The following HAAO variants were observed in gnomAD, a reference collection of about 807,000 sequenced individuals.
HAAO encodes 3-hydroxyanthranilate oxygenase.
A neutral mutation model predicts 46.2 loss-of-function variants in HAAO; 49 were observed. That is an observed-to-expected ratio of 1.06 (90% CI 0.84 to 1.34). The LOEUF is 1.34. Among genes scored for constraint, HAAO ranks in the 40% most tolerant of loss-of-function variants. The pLI is 0.00. For missense variants in HAAO, 408 were observed against 364.5 expected, an observed-to-expected ratio of 1.12 and a Z score of -0.97; for synonymous variants, 157 against 145.2, an observed-to-expected ratio of 1.08 and a Z score of -0.58.
Position 42,792,543 on chromosome 2 carries a change from C to T in HAAO, c.-7G>A, listed in dbSNP as rs1672885553. 6.4e-7 allele frequency: 1 copy of T among 1,553,150 alleles called. No homozygotes were observed. The highest frequency in any genetic ancestry group is 2.0e-5 in the Admixed American group (1 of 50,338). On this transcript the variant is annotated 5_prime_UTR_variant, in exon 1 of 10. Coordinates refer to ENST00000294973, the MANE Select transcript of HAAO (RefSeq NM_012205.3). ...CTCCCAGGCGGCGCTCCATGACTGTCCCGGGCGCCTCCTCGCAGCGCTGTC... is the reference window on the plus strand; with the variant it reads ...CTCCCAGGCGGCGCTCCATGACTGTTCCGGGCGCCTCCTCGCAGCGCTGTC...
In HAAO at chr2:42,779,054, A is replaced by G. The variant is rs566443222; in HGVS notation, c.350+4260T>C. Among the ~76,000 whole-genome samples, 8 of 152,190 alleles carry G rather than the reference A, an allele frequency of 5.3e-5. No homozygotes were observed. The East Asian group carries it at 1.6e-3, about 30-fold the overall frequency. On this transcript the variant is annotated intron_variant, in intron 4 of 9. Transcript: ENST00000294973. ...CCTGGACCCGGGAGGTGGAGATTGC[A>G]GTGAGCTGAGATCACACCATTGCAC...
intron 4 of HAAO, among the ~76,000 whole-genome samples, chr2:42,777,433 GT>G (rs1671671058): frequency 6.6e-6 from 1 of 151,710 alleles, no homozygotes; most frequent in African/African-American, 2.4e-5. Flanking sequence ...CTATCTATGT[GT>G]TGTGTACACA....
At chr2:42,780,631 G>A (rs1468510243) in intron 4 of HAAO, among the ~76,000 whole-genome samples, 1 of 152,080 alleles carries the variant, frequency 6.6e-6, no homozygotes, top group African/African-American at 2.4e-5. Flanking sequence ...CAGAACAGGA[G>A]TAAACTAAGT....
chr2:42,789,011 T>A (rs902325971), intron 1 of HAAO: 9 of 263,644 alleles, frequency 3.4e-5, no homozygotes, highest in Non-Finnish European at 5.3e-5. Context: ...CACTCACCCA[T>A]GCTGTCTGAC....
intron 4 of HAAO, among the ~76,000 whole-genome samples, chr2:42,777,823 G>A (rs1195756111): frequency 6.6e-6 from 1 of 151,972 alleles, no homozygotes; most frequent in Non-Finnish European, 1.5e-5. Flanking sequence ...AAAAAAAGGT[G>A]TGTCCTTTTA....
At chr2:42,780,647 G>T (rs1671919709) in intron 4 of HAAO, among the ~76,000 whole-genome samples, 1 of 152,064 alleles carries the variant, frequency 6.6e-6, no homozygotes, top group Non-Finnish European at 1.5e-5. Flanking sequence ...TAAGTAAACT[G>T]AACTCATAGA....
chr2:42,767,690 A>G lies in HAAO; in HGVS notation c.700-13T>C, dbSNP rs1192363882. 14 of 1,569,722 alleles carry G rather than the reference A, an allele frequency of 8.9e-6. No individual in the cohort carries two copies. The Middle Eastern group carries it at 5.0e-4, about 56-fold the overall frequency. On this transcript the variant is annotated splice_polypyrimidine_tract_variant and intron_variant, in intron 8 of 9. Coordinates refer to ENST00000294973, the MANE Select transcript of HAAO (RefSeq NM_012205.3). ...CCGAGGAGCCCTCCTGGAGAAGAGG[A>G]GCAGGAGAATCAAATGGAGACTGTT...
chr2:42,783,826 C>T lies in HAAO; in HGVS notation c.201G>A (p.Leu67=). 1.2e-6 allele frequency: 2 copies of T among 1,612,960 alleles called. No homozygotes were observed. ...QLEGDMVLRV[L]EQGKHRDVVI... ...CCACATCCCGGTGTTTCCCTTGCTC[C>T]AGGACTCGGAGAACCATGTCTCCCT... The change falls in exon 3 of 10, where the codon CTG becomes CTA. Residue 67 remains leucine, a synonymous_variant. Coordinates refer to ENST00000294973, the MANE Select transcript of HAAO (RefSeq NM_012205.3).
chr2:42,787,065 C>T (rs1411695836), intron 2 of HAAO, among the ~76,000 whole-genome samples: 1 of 152,176 alleles, frequency 6.6e-6, no homozygotes, highest in African/African-American at 2.4e-5. Context: ...GGACCAAGCC[C>T]TGTCACAAGC....
chr2:42,787,272 G>A (rs1486030465), intron 2 of HAAO, among the ~76,000 whole-genome samples: 5 of 152,168 alleles, frequency 3.3e-5, no homozygotes, highest in Non-Finnish European at 7.3e-5. Flanking sequence ...AGCAGAGGCA[G>A]CAGGGGGCGA....
At chr2:42,768,021 G>A (rs945382055) in intron 7 of HAAO, 93 bp from the exon 8 acceptor site, 8 of 1,118,206 alleles carry the variant, frequency 7.2e-6, no homozygotes, top group Non-Finnish European at 1.1e-5. Flanking sequence ...CCTGCTTGGA[G>A]CAGGGTTGGG....
Position 42,767,423 on chromosome 2 carries a change from C to A in HAAO, c.*14G>T. 1 of 1,600,290 alleles carries A rather than the reference C, an allele frequency of 6.2e-7. No individual in the cohort carries two copies. The highest frequency in any genetic ancestry group is 8.6e-7 in the Non-Finnish European group (1 of 1,169,464). On this transcript the variant is annotated 3_prime_UTR_variant, in exon 10 of 10. Coordinates refer to ENST00000294973, the MANE Select transcript of HAAO (RefSeq NM_012205.3). ...TTGGCACACCTGTGGCTGCTTCAGG[C>A]CATGGCAAGAGGGTCACCCCAGGGG...
At chr2:42,787,170 C>T (rs115931643) in intron 2 of HAAO, among the ~76,000 whole-genome samples, 2 of 152,344 alleles carry the variant, frequency 1.3e-5, no homozygotes, top group African/African-American at 4.8e-5. Context: ...AATCCCTCAG[C>T]TGCCATCTGA....
chr2:42,777,918 C>A (rs9941680), intron 4 of HAAO, among the ~76,000 whole-genome samples: 1 of 151,862 alleles, frequency 6.6e-6, no homozygotes, highest in Non-Finnish European at 1.5e-5. Context: ...AAATAAAAGA[C>A]ATGTAAAGAA....
rs75134948 is a variant in HAAO, at chr2:42,791,012, T to C, written c.80+1445A>G. 6.8e-3 allele frequency among the ~76,000 whole-genome samples: 1,033 copies of C among 152,310 alleles called. 13 individuals carry two copies. The highest frequency in any genetic ancestry group is 0.024 in the African/African-American group (1,002 of 41,560). On this transcript the variant is annotated intron_variant, in intron 1 of 9. Coordinates refer to ENST00000294973, the MANE Select transcript of HAAO (RefSeq NM_012205.3). ...TCACCTTGCTTGCTTCAGCAGCTTCTCACCTTGCTGAATAGTAACCCCTCC... is the reference window on the plus strand; with the variant it reads ...TCACCTTGCTTGCTTCAGCAGCTTCCCACCTTGCTGAATAGTAACCCCTCC...
At chr2:42,772,269 T>C (rs554806353) in intron 4 of HAAO, among the ~76,000 whole-genome samples, 1 of 152,144 alleles carries the variant, frequency 6.6e-6, no homozygotes, top group East Asian at 1.9e-4. Flanking sequence ...TCACCTGAGG[T>C]TGGCAGTTCG....
chr2:42,785,186 C>T lies in HAAO; in HGVS notation c.160-1319G>A, dbSNP rs143743990. Among the ~76,000 whole-genome samples, 4 of 152,288 alleles carry T rather than the reference C, an allele frequency of 2.6e-5. No homozygotes were observed. The East Asian group carries it at 7.7e-4, about 29-fold the overall frequency. ...CTGTGAAGATGCCAGGGATGCTTTA[C>T]ACATATGTGCTCAGCGCATAGTAAG... On this transcript the variant is annotated intron_variant, in intron 2 of 9. Coordinates refer to ENST00000294973, the MANE Select transcript of HAAO (RefSeq NM_012205.3).
intron 4 of HAAO, among the ~76,000 whole-genome samples, chr2:42,771,079 C>G (rs1671075716): frequency 6.6e-6 from 1 of 152,146 alleles, no homozygotes. Context: ...TGCACGGACA[C>G]TTAAGAAACC....
Position 42,792,508 on chromosome 2 carries a change from C to T in HAAO, c.29G>A (p.Trp10Ter). Residue 10 changes from tryptophan (W) to a stop codon, truncating the protein, a stop_gained, in exon 1 of 10, where the codon TGG (tryptophan) becomes TAG (stop). Coordinates refer to ENST00000294973, the MANE Select transcript of HAAO (RefSeq NM_012205.3). LOFTEE classifies it high-confidence loss of function. MERRLGVRAWVKENRGSFQP... is the reference protein window; with the variant it reads MERRLGVRA Reference sequence around the variant, plus strand: ...GAAGGAGCCCCGGTTCTCCTTCACCCAGGCCCTCACTCCCAGGCGGCGCTC... The same window carrying T: ...GAAGGAGCCCCGGTTCTCCTTCACCTAGGCCCTCACTCCCAGGCGGCGCTC... 6.3e-7 allele frequency: 1 copy of T among 1,593,510 alleles called. No homozygotes were observed. The highest frequency in any genetic ancestry group is 8.5e-7 in the Non-Finnish European group (1 of 1,170,590).
Sources: allele counts gnomAD v4.1 joint callset (sites outside exome capture counted in the v4.1 genomes callset), GRCh38; gene constraint gnomAD v4.1.1; transcripts MANE v1.5; gene names NCBI Gene and HGNC (gene_info 2026-07-23, HGNC 2026-07-21).